LSR: variants seen among roughly 807,000 people sequenced by gnomAD.
LSR encodes lipolysis-stimulated lipoprotein receptor.
LSR carries 44 observed loss-of-function variants against 61.8 expected under a neutral mutation model. The observed-to-expected ratio is 0.71, with a 90% CI of 0.56 to 0.91. The LOEUF is 0.91. Among genes scored for constraint, LSR ranks in the 40% least tolerant of loss-of-function variants. LSR has a pLI of 0.00. For synonymous variants in LSR, 397 were observed against 350.6 expected (o/e 1.13, Z -1.48); for missense variants, 911 against 830.5 (o/e 1.10, Z -1.19).
At chr19:35,261,087 G>A (rs950814617) in intron 3 of LSR, among the ~76,000 whole-genome samples, 2 of 152,206 alleles carry the variant, frequency 1.3e-5, no homozygotes, top group Non-Finnish European at 2.9e-5. Context: ...GGAGGGCTTC[G>A]TGGGTGCAGA....
At chr19:35,259,121 G>A in intron 3 of LSR, 57 bp downstream of exon 3, 1 of 1,578,846 alleles carries the variant, frequency 6.3e-7, no homozygotes, top group Non-Finnish European at 8.6e-7. Context: ...CTTCTGTTCT[G>A]TCTGCCCTCC....
rs778452878 is a variant in LSR, at chr19:35,251,843, C to CTTTTTTTTTTTTTTTTTTTTTTTTTTT, written c.454+1193_454+1194insTTTTTTTTTTTTTTTTTTTTTTTTTTT. 57 of 121,576 alleles carry CTTTTTTTTTTTTTTTTTTTTTTTTTTT rather than the reference C, an allele frequency of 4.7e-4. 4 individuals are homozygous for CTTTTTTTTTTTTTTTTTTTTTTTTTTT. The highest frequency in any genetic ancestry group is 5.7e-4 in the African/African-American group (18 of 31,772). The allele number at this position is 121,576 out of a possible 1,614,324, so 7.5% of individuals were successfully genotyped here. ...CCCAGGCAGCCCTGAGAACCTTGTT[C>CTTTTTTTTTTTTTTTTTTTTTTTTTTT]TTTTTTTTTGAGACGGAGTCTCGCT... On this transcript the variant is annotated intron_variant, in intron 2 of 9. Transcript: ENST00000605618.
In LSR at chr19:35,266,816, C is replaced by T. The variant is rs954328666; in HGVS notation, c.1013-20C>T. The T allele has an allele frequency of 1.2e-6, 2 of 1,606,814 alleles. No homozygotes were observed. The highest frequency in any genetic ancestry group is 1.7e-6 in the Non-Finnish European group (2 of 1,176,370). On this transcript the variant is annotated intron_variant, in intron 7 of 9. Transcript: ENST00000605618. ...CCAGGATCCATCCTCCCAAACCGACCACCACCCCCCTGTCCCTAGAAGTCC... is the reference window on the plus strand; with the variant it reads ...CCAGGATCCATCCTCCCAAACCGACTACCACCCCCCTGTCCCTAGAAGTCC...
chr19:35,250,534 C>T lies in LSR; in HGVS notation c.329C>T (p.Pro110Leu). The T allele has an allele frequency of 1.2e-6, 2 of 1,614,152 alleles. No homozygotes were observed. Among genetic ancestry groups the T allele is most frequent in the Non-Finnish European group, 1.7e-6 (2 of 1,180,022 alleles). The change falls in exon 2 of 10, where the codon CCA becomes CTA. Residue 110 changes from proline (P) to leucine (L), a missense_variant. Physicochemically the swap from Pro to Leu is moderately conservative, Grantham distance 98. Transcript: ENST00000605618. ...AATGCCCAGCTGGCAGCCGGGAACCCAGGCTACAACCCCTACGTTGAGTGC... is the reference window on the plus strand; with the variant it reads ...AATGCCCAGCTGGCAGCCGGGAACCTAGGCTACAACCCCTACGTTGAGTGC... ...QLNAQLAAGNPGYNPYVECQD... is the reference protein window; with the variant it reads ...QLNAQLAAGNLGYNPYVECQD...
At chr19:35,265,268 G>C (rs1247242445) in intron 5 of LSR, among the ~76,000 whole-genome samples, 2 of 152,126 alleles carry the variant, frequency 1.3e-5, no homozygotes, top group Admixed American at 1.3e-4. Flanking sequence ...CTAGGGCCAG[G>C]ACTAAATGCT....
At position 35,262,544 on chromosome 19, in the gene LSR, A is replaced by C; in HGVS notation, c.632-2A>C. The C allele has an allele frequency of 1.2e-6, 2 of 1,614,156 alleles. No individual in the cohort carries two copies. Among genetic ancestry groups the C allele is most frequent in the Admixed American group, 3.3e-5 (2 of 60,018 alleles). On this transcript the variant is annotated splice_acceptor_variant, in intron 4 of 9. Coordinates refer to ENST00000605618, the MANE Select transcript of LSR (RefSeq NM_205834.4). LOFTEE classifies it high-confidence loss of function. ...GGCTCAGGGCCTGTTGTCTTTCTGC[A>C]GACTGGCTCTTCGTGGTTGTGGTAT...
At position 35,266,712 on chromosome 19, in the gene LSR, G is replaced by A. The variant is rs748863146; in HGVS notation, c.986G>A (p.Arg329Gln). Residue 329 changes from arginine to glutamine, a missense_variant, in exon 7 of 10, where the codon CGG (arginine) becomes CAG (glutamine). Physicochemically the swap from Arg to Gln is conservative, Grantham distance 43 (BLOSUM62 1). Coordinates refer to ENST00000605618, the MANE Select transcript of LSR (RefSeq NM_205834.4). Reference protein sequence around the residue: ...GGQGSYVPLLRDTDSSVASEV... With the variant: ...GGQGSYVPLLQDTDSSVASEV... ...CAAGGCTCCTATGTACCCCTGCTTC[G>A]GGACACGGACAGCAGTGTGGCCTCT... is the stretch of plus-strand genomic sequence containing the variant. 3.1e-6 allele frequency: 5 copies of A among 1,609,094 alleles called. No individual in the cohort carries two copies. Among genetic ancestry groups the A allele is most frequent in the South Asian group, 2.2e-5 (2 of 89,942 alleles).
chr19:35,259,826 G>A (rs1254944537), intron 3 of LSR, among the ~76,000 whole-genome samples: 1 of 152,250 alleles, frequency 6.6e-6, no homozygotes, highest in South Asian at 2.1e-4. Flanking sequence ...CACTGTGTAA[G>A]TTTGAGTGCA....
rs200430113 is a variant in LSR at position 35,249,143 on chromosome 19, G to C, written c.109+12G>C. On this transcript the variant is annotated intron_variant, in intron 1 of 9. Coordinates refer to ENST00000605618, the MANE Select transcript of LSR (RefSeq NM_205834.4). ...CACCTGGTGCACAGGTACGGGGCACGGGGCCTCTGACGCTGCGGAACGCCG... is the reference window on the plus strand; with the variant it reads ...CACCTGGTGCACAGGTACGGGGCACCGGGCCTCTGACGCTGCGGAACGCCG... The C allele has an allele frequency of 4.0e-3, 6,150 of 1,524,882 alleles. 12 individuals carry two copies. The highest frequency in any genetic ancestry group is 4.2e-3 in the Non-Finnish European group (4,844 of 1,141,158). The allele number at this position is 1,524,882 out of a possible 1,614,324, so 94.5% of individuals were successfully genotyped here. A position where few individuals can be genotyped will look rare whatever the true frequency, so the allele number is the denominator to read the frequency against.
intron 5 of LSR, among the ~76,000 whole-genome samples, chr19:35,265,604 G>T (rs928053754): frequency 4.6e-5 from 7 of 152,052 alleles, no homozygotes; most frequent in Non-Finnish European, 8.8e-5. Context: ...ACTTGCCTAG[G>T]GCCCAGGAAT....
At chr19:35,257,897 C>T (rs977995490) in intron 2 of LSR, among the ~76,000 whole-genome samples, 1 of 152,096 alleles carries the variant, frequency 6.6e-6, no homozygotes, top group Non-Finnish European at 1.5e-5. Context: ...GTCCCCAAGC[C>T]CTGGGCCTGA....
Position 35,267,544 on chromosome 19 carries a change from G to T in LSR, c.1580G>T (p.Arg527Leu). The change falls in exon 9 of 10, where the codon CGG becomes CTG. Residue 527 changes from arginine to leucine, a missense_variant. By Grantham distance (102) the Arg-to-Leu change is moderately radical. Coordinates refer to ENST00000605618, the MANE Select transcript of LSR (RefSeq NM_205834.4). ...RSHHHRTRDP[R>L]DNGSRSGDLP... Reference sequence around the variant, plus strand: ...CACCACCACCGTACCCGGGACCCTCGGGACAACGGCTCCAGGTCCGGGGAC... The same window carrying T: ...CACCACCACCGTACCCGGGACCCTCTGGACAACGGCTCCAGGTCCGGGGAC... 6.2e-7 allele frequency: 1 copy of T among 1,612,258 alleles called. No individual in the cohort carries two copies.
rs761026649 is a variant in LSR at position 35,249,031 on chromosome 19, G to C, written c.9G>C (p.Leu3=). The C allele has an allele frequency of 1.3e-6, 2 of 1,599,862 alleles. No homozygotes were observed. The highest frequency in any genetic ancestry group is 2.2e-5 in the South Asian group (2 of 89,956). The change falls in exon 1 of 10, where the codon CTG becomes CTC. Residue 3 remains leucine, a synonymous_variant. Coordinates refer to ENST00000605618, the MANE Select transcript of LSR (RefSeq NM_205834.4). MA[L]LAGGLSRGLG... ...GCGCCCAGACGGCCGCGATGGCGCT[G>C]TTGGCCGGCGGGCTCTCCAGAGGGC... is the stretch of plus-strand genomic sequence containing the variant.
intron 2 of LSR, among the ~76,000 whole-genome samples, chr19:35,254,722 G>C (rs868388279): frequency 0.01 from 1,576 of 152,248 alleles, 22 homozygotes; most frequent in African/African-American, 0.036. Flanking sequence ...TCTTCTCCCC[G>C]ACCTAAAACA....
At chr19:35,258,093 C>A (rs761951791) in intron 2 of LSR, among the ~76,000 whole-genome samples, 1 of 152,118 alleles carries the variant, frequency 6.6e-6, no homozygotes, top group Non-Finnish European at 1.5e-5. Flanking sequence ...TGGCAGTTCA[C>A]ATCAGGGGAG....
Position 35,267,186 on chromosome 19 carries a change from C to T in LSR, c.1222C>T (p.Arg408Trp), listed in dbSNP as rs1450695615. ...CCGGGGCCCTGCCCTCACCCCGATCCGGGATGAGGAGTGGGGTGGCCACTC... is the reference window on the plus strand; with the variant it reads ...CCGGGGCCCTGCCCTCACCCCGATCTGGGATGAGGAGTGGGGTGGCCACTC... ...PSRGPALTPIRDEEWGGHSPR... is the reference protein window; with the variant it reads ...PSRGPALTPIWDEEWGGHSPR... The change falls in exon 9 of 10, where the codon CGG becomes TGG. Residue 408 changes from arginine to tryptophan, a missense_variant. By Grantham distance (101) the Arg-to-Trp change is moderately radical (BLOSUM62 -3). Transcript: ENST00000605618. The T allele has an allele frequency of 4.6e-6, 7 of 1,522,836 alleles. No homozygotes were observed. In the African/African-American group the frequency reaches 9.8e-5, roughly 21 times the overall value. 94.3% of individuals were successfully genotyped at this position (1,522,836 alleles called of 1,614,324 possible). A position where few individuals can be genotyped will look rare whatever the true frequency, so the allele number is the denominator to read the frequency against.
chr19:35,267,710 G>A lies in LSR; in HGVS notation c.1746G>A (p.Ala582=). The A allele has an allele frequency of 3.1e-6, 5 of 1,602,934 alleles. No homozygotes were observed. Among genetic ancestry groups the A allele is most frequent in the Non-Finnish European group, 4.3e-6 (5 of 1,175,700 alleles). ...PPPYSETDSQ[A]SRERRLKKNL... ...CGTACTCGGAGACCGACTCGCAGGC[G>A]TCCCGAGAGCGCAGGCTCAAGAAGG... is the stretch of plus-strand genomic sequence containing the variant. Residue 582 remains alanine, a synonymous_variant, in exon 9 of 10, where the codon GCG becomes GCA. Coordinates refer to ENST00000605618, the MANE Select transcript of LSR (RefSeq NM_205834.4).
At position 35,249,048 on chromosome 19, in the gene LSR, C is replaced by G. The variant is rs1363770340; in HGVS notation, c.26C>G (p.Ser9Cys). The G allele has an allele frequency of 5.0e-6, 8 of 1,587,650 alleles. No homozygotes were observed. Among genetic ancestry groups the G allele is most frequent in the Non-Finnish European group, 4.3e-6 (5 of 1,168,020 alleles). MALLAGGL[S>C]RGLGSHPAAA... ...ATGGCGCTGTTGGCCGGCGGGCTCT[C>G]CAGAGGGCTGGGCTCCCACCCGGCC... Residue 9 changes from serine to cysteine, a missense_variant, in exon 1 of 10, where the codon TCC becomes TGC. By Grantham distance (112) the Ser-to-Cys change is moderately radical (BLOSUM62 -1). Transcript: ENST00000605618.
At chr19:35,255,094 C>G (rs1336072285) in intron 2 of LSR, among the ~76,000 whole-genome samples, 3 of 150,940 alleles carry the variant, frequency 2.0e-5, no homozygotes, top group Admixed American at 1.3e-4. Context: ...CCCAGCACTT[C>G]AGGAGGCCGA....
Sources: allele counts gnomAD v4.1 joint callset (sites outside exome capture counted in the v4.1 genomes callset), GRCh38; gene constraint gnomAD v4.1.1; transcripts MANE v1.5; gene names NCBI Gene and HGNC (gene_info 2026-07-23, HGNC 2026-07-21).